The following B3GALT1 variants were observed in gnomAD, a reference collection of about 807,000 sequenced individuals.
B3GALT1 encodes the protein UDP-Gal:betaGlcNAc beta 1,3-galactosyltransferase, polypeptide 1.
In B3GALT1, 10 loss-of-function variants were observed where a neutral mutation model predicts 23.2. That is an observed-to-expected ratio of 0.43 (90% CI 0.27 to 0.73). B3GALT1 has a LOEUF of 0.73. Among genes scored for constraint, B3GALT1 ranks in the 30% least tolerant of loss-of-function variants. The pLI is 0.21. For synonymous variants in B3GALT1, 156 were observed against 141.5 expected (o/e 1.10, Z -0.73); for missense variants, 299 against 405.4 (o/e 0.74, Z 2.25).
intron 2 of B3GALT1, among the ~76,000 whole-genome samples, chr2:167,508,520 A>C (rs566518795): frequency 6.6e-6 from 1 of 152,090 alleles, no homozygotes; most frequent in South Asian, 2.1e-4. Flanking sequence ...ACCCTCCCAA[A>C]GTGCTGGGAT....
chr2:167,858,793 A>G (rs1690046094), intron 4 of B3GALT1, among the ~76,000 whole-genome samples: 1 of 152,188 alleles, frequency 6.6e-6, no homozygotes, highest in African/African-American at 2.4e-5. Flanking sequence ...GGAACAATTG[A>G]AAACAAAAGA....
chr2:167,469,711 A>G (rs1346100640), intron 1 of B3GALT1, among the ~76,000 whole-genome samples: 1 of 152,190 alleles, frequency 6.6e-6, no homozygotes, highest in African/African-American at 2.4e-5. Flanking sequence ...GTTGAATGAT[A>G]ATTGTCATCC....
chr2:167,409,976 A>C (rs1478409148), intron 1 of B3GALT1, among the ~76,000 whole-genome samples: 2 of 152,146 alleles, frequency 1.3e-5, no homozygotes, highest in Non-Finnish European at 2.9e-5. Flanking sequence ...ACATATGCAC[A>C]TGTATATTTA....
intron 2 of B3GALT1, among the ~76,000 whole-genome samples, chr2:167,600,632 G>A (rs1558920558): frequency 6.6e-6 from 1 of 152,118 alleles, no homozygotes; most frequent in African/African-American, 2.4e-5. Context: ...ATGGAACTAT[G>A]TAATGTGTGA....
intron 1 of B3GALT1, among the ~76,000 whole-genome samples, chr2:167,469,008 A>G (rs1699386162): frequency 6.6e-6 from 1 of 152,220 alleles, no homozygotes. Context: ...AAAGGACACA[A>G]ATATCAAGGG....
Position 167,574,697 on chromosome 2 carries a change from T to C in B3GALT1, c.-409-72212T>C, listed in dbSNP as rs1200642316. On this transcript the variant is annotated intron_variant, in intron 2 of 4. Transcript: ENST00000392690. ...TTTCTTCATTAATGAATTAAGAATCTTTATCAGTTCCATATAAATTTAGGA... is the reference window on the plus strand; with the variant it reads ...TTTCTTCATTAATGAATTAAGAATCCTTATCAGTTCCATATAAATTTAGGA... Among the ~76,000 whole-genome samples, 3 of 151,882 alleles carry C rather than the reference T, an allele frequency of 2.0e-5. No homozygotes were observed. In the East Asian group the frequency reaches 5.8e-4, roughly 29 times the overall value.
At chr2:167,448,278 G>A (rs928599609) in intron 1 of B3GALT1, among the ~76,000 whole-genome samples, 8 of 152,156 alleles carry the variant, frequency 5.3e-5, no homozygotes, top group Admixed American at 3.9e-4. Flanking sequence ...CATCTATGCC[G>A]ACATCTGTTT....
At chr2:167,361,790 T>G (rs1697503601) in intron 1 of B3GALT1, among the ~76,000 whole-genome samples, 1 of 152,152 alleles carries the variant, frequency 6.6e-6, no homozygotes, top group African/African-American at 2.4e-5. Context: ...ATCAGAGTTT[T>G]GGGCTGGGCA....
At chr2:167,630,691 A>T (rs974467932) in intron 2 of B3GALT1, among the ~76,000 whole-genome samples, 1 of 151,760 alleles carries the variant, frequency 6.6e-6, no homozygotes, top group African/African-American at 2.4e-5. Flanking sequence ...CAAAATGTTG[A>T]TAATTTTAAT....
intron 2 of B3GALT1, among the ~76,000 whole-genome samples, chr2:167,493,588 G>A (rs1919855): frequency 0.51 from 76,989 of 152,004 alleles, 22,365 homozygotes; most frequent in East Asian, 0.98. Flanking sequence ...TATGTGCAAA[G>A]GAGAGTCTCA....
At chr2:167,385,934 T>C (rs1335097701) in intron 1 of B3GALT1, among the ~76,000 whole-genome samples, 2 of 152,252 alleles carry the variant, frequency 1.3e-5, no homozygotes, top group African/African-American at 4.8e-5. Flanking sequence ...GAACTGTTTA[T>C]AAACTTTCAT....
At chr2:167,324,123 G>A (rs1464878540) in intron 1 of B3GALT1, among the ~76,000 whole-genome samples, 1 of 151,980 alleles carries the variant, frequency 6.6e-6, no homozygotes, top group Non-Finnish European at 1.5e-5. Flanking sequence ...ATTCTGGTTG[G>A]AAATGCACTA....
intron 1 of B3GALT1, among the ~76,000 whole-genome samples, chr2:167,305,248 A>G (rs1696531514): frequency 6.6e-6 from 1 of 152,140 alleles, no homozygotes; most frequent in South Asian, 2.1e-4. Flanking sequence ...GTTAATATAT[A>G]TATATATTTT....
rs559265868 is a variant in B3GALT1, at chr2:167,544,589, A to C, written c.-410+54312A>C. ...TGGGATTACAGGCGTGAGCCTCTGCACCTGGACGGATATTTAATGGCCAGA... is the reference window on the plus strand; with the variant it reads ...TGGGATTACAGGCGTGAGCCTCTGCCCCTGGACGGATATTTAATGGCCAGA... On this transcript the variant is annotated intron_variant, in intron 2 of 4. Transcript: ENST00000392690. 3.9e-5 allele frequency among the ~76,000 whole-genome samples: 6 copies of C among 152,144 alleles called. No individual in the cohort carries two copies. In the South Asian group the frequency reaches 1.0e-3, roughly 26 times the overall value.
chr2:167,713,447 A>G lies in B3GALT1; in HGVS notation c.-352+66481A>G, dbSNP rs141697364. Among the ~76,000 whole-genome samples the G allele has an allele frequency of 3.8e-3, 577 of 152,340 alleles. 2 individuals carry two copies. Among genetic ancestry groups the G allele is most frequent in the Admixed American group, 6.9e-3 (105 of 15,300 alleles). On this transcript the variant is annotated intron_variant, in intron 3 of 4. Coordinates refer to ENST00000392690, the MANE Select transcript of B3GALT1 (RefSeq NM_020981.4). ...ATCCTAACAAACTTATCTGTATTGTATATCTTTCAAACATGTTTCTACATC... is the reference window on the plus strand; with the variant it reads ...ATCCTAACAAACTTATCTGTATTGTGTATCTTTCAAACATGTTTCTACATC...
intron 1 of B3GALT1, among the ~76,000 whole-genome samples, chr2:167,408,113 A>T (rs1405145855): frequency 6.6e-6 from 1 of 151,838 alleles, no homozygotes; most frequent in Non-Finnish European, 1.5e-5. Context: ...GTGAACGTAG[A>T]CACAAAATCT....
intron 2 of B3GALT1, among the ~76,000 whole-genome samples, chr2:167,633,202 C>A (rs1054535233): frequency 1.3e-5 from 2 of 151,884 alleles, no homozygotes; most frequent in Admixed American, 1.3e-4. Flanking sequence ...CAAAGATAAT[C>A]CTTGAGAAGA....
At chr2:167,486,357 CAA>C (rs56092916) in intron 1 of B3GALT1, among the ~76,000 whole-genome samples, 5 of 113,388 alleles carry the variant, frequency 4.4e-5, no homozygotes, top group Admixed American at 8.8e-5. Flanking sequence ...GACTCTGTCT[CAA>C]AAAAAAAAAA....
At chr2:167,735,659 G>C (rs1687480865) in intron 3 of B3GALT1, among the ~76,000 whole-genome samples, 1 of 152,168 alleles carries the variant, frequency 6.6e-6, no homozygotes, top group African/African-American at 2.4e-5. Context: ...GAATACAAGA[G>C]GGGTGGAGGA....
Sources: allele counts gnomAD v4.1 joint callset (sites outside exome capture counted in the v4.1 genomes callset), GRCh38; gene constraint gnomAD v4.1.1; transcripts MANE v1.5; gene names NCBI Gene and HGNC (gene_info 2026-07-23, HGNC 2026-07-21).